SNX29: variants seen among roughly 807,000 people sequenced by gnomAD.
SNX29 encodes the protein sorting nexin 29.
Under a neutral mutation model 102.1 loss-of-function variants are expected in SNX29, and 78 were observed. The ratio of observed to expected loss-of-function variants is 0.76; its 90% CI spans 0.64 to 0.92. SNX29 has a LOEUF of 0.92. SNX29 is among the 40% of genes least tolerant of loss of function. SNX29 has a pLI of 0.00. For missense variants in SNX29, 1,280 were observed against 1,061.7 expected (o/e 1.21, Z -2.86); for synonymous variants, 580 against 414.5 (o/e 1.40, Z -4.85).
At chr16:12,547,903 G>C (rs1183999853) in intron 20 of SNX29, among the ~76,000 whole-genome samples, 3 of 152,158 alleles carry the variant, frequency 2.0e-5, no homozygotes, top group African/African-American at 7.2e-5. Flanking sequence ...CTGTATAGGA[G>C]CTGCTCTTAG....
intron 20 of SNX29, among the ~76,000 whole-genome samples, chr16:12,547,249 T>G (rs1343493494): frequency 1.3e-5 from 2 of 152,146 alleles, no homozygotes. Flanking sequence ...ACACAGCAGG[T>G]GCAAAGGTCC....
intron 20 of SNX29, among the ~76,000 whole-genome samples, chr16:12,556,045 CGCTT>C (rs988425414): frequency 2.6e-5 from 4 of 151,998 alleles, no homozygotes; most frequent in South Asian, 2.1e-4. Context: ...TGCTGAGTGA[CGCTT>C]AAAGGGTGCT....
At position 12,573,024 on chromosome 16, in the gene SNX29, A is replaced by T. The variant is rs954032396; in HGVS notation, c.*4395A>T. Reference sequence around the variant, plus strand: ...ACTGTTAAATATTTGCTGTTTTTAGATTGGCGTCCGTGCTAATTCTGCAGT... The same window carrying T: ...ACTGTTAAATATTTGCTGTTTTTAGTTTGGCGTCCGTGCTAATTCTGCAGT... On this transcript the variant is annotated 3_prime_UTR_variant, in exon 21 of 21. Transcript: ENST00000566228. 3.7e-6 allele frequency: 1 copy of T among 272,920 alleles called. No homozygotes were observed. Among genetic ancestry groups the T allele is most frequent in the African/African-American group, 2.2e-5 (1 of 45,884 alleles). The allele number at this position is 272,920 out of a possible 1,614,324, so 16.9% of individuals were successfully genotyped here. A position where few individuals can be genotyped will look rare whatever the true frequency, so the allele number is the denominator to read the frequency against.
At chr16:12,226,545 G>C (rs1202898448) in intron 14 of SNX29, among the ~76,000 whole-genome samples, 1 of 151,876 alleles carries the variant, frequency 6.6e-6, no homozygotes, top group Non-Finnish European at 1.5e-5. Context: ...TGGGTTTCCA[G>C]GGGAGCTGAA....
intron 11 of SNX29, among the ~76,000 whole-genome samples, chr16:12,110,392 A>C (rs1486608943): frequency 6.6e-6 from 1 of 152,160 alleles, no homozygotes; most frequent in Non-Finnish European, 1.5e-5. Flanking sequence ...GGAACTTAGA[A>C]CAGACTTTTT....
chr16:12,497,187 G>A (rs1367885101), intron 19 of SNX29, among the ~76,000 whole-genome samples: 1 of 152,242 alleles, frequency 6.6e-6, no homozygotes, highest in Non-Finnish European at 1.5e-5. Context: ...AGATCCTAAG[G>A]CATCTTAAGA....
intron 11 of SNX29, among the ~76,000 whole-genome samples, chr16:12,111,635 T>C (rs1390438028): frequency 2.0e-5 from 3 of 152,176 alleles, no homozygotes; most frequent in Non-Finnish European, 4.4e-5. Flanking sequence ...TGGGAATGGC[T>C]TTGGGCATAG....
chr16:12,441,556 C>T (rs915267916), intron 18 of SNX29, among the ~76,000 whole-genome samples: 1 of 152,196 alleles, frequency 6.6e-6, no homozygotes, highest in African/African-American at 2.4e-5. Flanking sequence ...CGTTTGTCTT[C>T]AGTTCTCCCG....
In SNX29 at chr16:12,481,549, CACACA is replaced by C. The variant is rs1567608729; in HGVS notation, c.2178+3691_2178+3695del. 3.6e-3 allele frequency among the ~76,000 whole-genome samples: 480 copies of C among 134,440 alleles called. 1 individual carries two copies. Among genetic ancestry groups the C allele is most frequent in the African/African-American group, 8.5e-3 (304 of 35,848 alleles). 88.2% of individuals were successfully genotyped at this position (134,440 alleles called of 152,430 possible). A position where few individuals can be genotyped will look rare whatever the true frequency, so the allele number is the denominator to read the frequency against. On this transcript the variant is annotated intron_variant, in intron 19 of 20. Coordinates refer to ENST00000566228, the MANE Select transcript of SNX29 (RefSeq NM_032167.5). ...ACACACACACACACACACACACACA[CACACA>C]CCCCAAATGTCACCCTGTCGCCCAG...
intron 20 of SNX29, among the ~76,000 whole-genome samples, chr16:12,537,778 AAAGT>A (rs1264187298): frequency 5.9e-5 from 9 of 152,070 alleles, no homozygotes; most frequent in South Asian, 2.1e-4. Flanking sequence ...TAAACAAAAA[AAAGT>A]AATAAAATAT....
chr16:12,262,888 C>A, intron 14 of SNX29, among the ~76,000 whole-genome samples: 1 of 152,212 alleles, frequency 6.6e-6, no homozygotes, highest in East Asian at 1.9e-4. Flanking sequence ...GATCCTGTTC[C>A]TATTTGCAGT....
rs1401658281 is a variant in SNX29 at position 12,046,381 on chromosome 16, C to T, written c.429-3C>T. 1 of 1,613,412 alleles carries T rather than the reference C, an allele frequency of 6.2e-7. No individual in the cohort carries two copies. The highest frequency in any genetic ancestry group is 8.5e-7 in the Non-Finnish European group (1 of 1,179,568). Reference sequence around the variant, plus strand: ...CGATTTCCTTTTCTCTTTCAATCTGCAGCACTTTTTATGAAGACTGGTCTT... The same window carrying T: ...CGATTTCCTTTTCTCTTTCAATCTGTAGCACTTTTTATGAAGACTGGTCTT... On this transcript the variant is annotated splice_region_variant and splice_polypyrimidine_tract_variant and intron_variant, in intron 5 of 20. Coordinates refer to ENST00000566228, the MANE Select transcript of SNX29 (RefSeq NM_032167.5).
At chr16:12,393,044 C>A (rs1367950495) in intron 16 of SNX29, among the ~76,000 whole-genome samples, 1 of 152,172 alleles carries the variant, frequency 6.6e-6, no homozygotes, top group Non-Finnish European at 1.5e-5. Context: ...AAACAGTTGT[C>A]ATTTTTTGGC....
intron 13 of SNX29, among the ~76,000 whole-genome samples, chr16:12,182,192 T>A (rs1367503452): frequency 7.0e-6 from 1 of 143,816 alleles, no homozygotes; most frequent in Non-Finnish European, 1.6e-5. Flanking sequence ...CGGCCTAGTT[T>A]TTTTTTTTTT....
intron 13 of SNX29, among the ~76,000 whole-genome samples, chr16:12,134,493 C>CTT (rs2054588576): frequency 6.6e-6 from 1 of 152,184 alleles, no homozygotes; most frequent in African/African-American, 2.4e-5. Context: ...TGGCAGGAGG[C>CTT]TTCAGCTCGT....
At chr16:12,406,866 G>A (rs556453892) in intron 18 of SNX29, among the ~76,000 whole-genome samples, 6 of 152,296 alleles carry the variant, frequency 3.9e-5, no homozygotes, top group South Asian at 2.1e-4. Context: ...CTGAGATCGC[G>A]CCACTACACT....
intron 18 of SNX29, among the ~76,000 whole-genome samples, chr16:12,448,151 T>G (rs2086146282): frequency 6.6e-6 from 1 of 152,126 alleles, no homozygotes; most frequent in South Asian, 2.1e-4. Context: ...TTCAGAGGGG[T>G]TAAGCAAGGT....
chr16:12,554,715 G>A (rs1203719610), intron 20 of SNX29, among the ~76,000 whole-genome samples: 2 of 152,138 alleles, frequency 1.3e-5, no homozygotes, highest in African/African-American at 2.4e-5. Context: ...GGTGACAGCT[G>A]TCTTTCAGTC....
chr16:12,552,186 A>G (rs1252414002), intron 20 of SNX29, among the ~76,000 whole-genome samples: 1 of 152,184 alleles, frequency 6.6e-6, no homozygotes, highest in Admixed American at 6.5e-5. Context: ...AAGGGAAACA[A>G]CGGCAGATAA....
Sources: allele counts gnomAD v4.1 joint callset (sites outside exome capture counted in the v4.1 genomes callset), GRCh38; gene constraint gnomAD v4.1.1; transcripts MANE v1.5; gene names NCBI Gene and HGNC (gene_info 2026-07-23, HGNC 2026-07-21).